The following AKT3 variants were observed in gnomAD, a reference collection of about 807,000 sequenced individuals.
The protein encoded by AKT3 is RAC-gamma serine/threonine-protein kinase.
In AKT3, 15 loss-of-function variants were observed where a neutral mutation model predicts 65.3. That is an observed-to-expected ratio of 0.23 (90% CI 0.15 to 0.35). The LOEUF (loss-of-function observed/expected upper bound fraction) is 0.35. Ranked by LOEUF, AKT3 falls within the 10% of genes least tolerant of loss-of-function variation. AKT3 has a pLI of 1.00. For synonymous variants in AKT3, 206 were observed against 183.8 expected, an observed-to-expected ratio of 1.12 and a Z score of -0.98; for missense variants, 243 against 576.5, an observed-to-expected ratio of 0.42 and a Z score of 5.92.
At chr1:243,834,038 G>A (rs897791889) in intron 2 of AKT3, among the ~76,000 whole-genome samples, 1 of 152,054 alleles carries the variant, frequency 6.6e-6, no homozygotes, top group Non-Finnish European at 1.5e-5. Context: ...AAATTGTACA[G>A]GATTCTAATT....
At chr1:243,699,465 C>CCATATATATATATATATATA (rs1389882625) in intron 2 of AKT3, among the ~76,000 whole-genome samples, 1 of 103,624 alleles carries the variant, frequency 9.7e-6, no homozygotes, top group Admixed American at 9.1e-5. Flanking sequence ...ACCTCTTCCA[C>CCATATATATATATATATATA]TATATATATA....
chr1:243,741,110 A>G lies in AKT3; in HGVS notation c.47-45394T>C, dbSNP rs116186934. On this transcript the variant is annotated intron_variant, in intron 2 of 13. Transcript: ENST00000673466. ...TCACATATATAACTGTATGTTCCAT[A>G]TATCGTCAATAAAGAACACTAACAG... Among the ~76,000 whole-genome samples, 1,337 of 152,316 alleles carry G rather than the reference A, an allele frequency of 8.8e-3. 15 individuals carry two copies. The highest frequency in any genetic ancestry group is 0.03 in the African/African-American group (1,267 of 41,564).
intron 8 of AKT3, among the ~76,000 whole-genome samples, chr1:243,604,728 A>G (rs1289068710): frequency 1.3e-5 from 2 of 152,162 alleles, no homozygotes; most frequent in Non-Finnish European, 2.9e-5. Flanking sequence ...ATGTCACTGC[A>G]GTGTATACAA....
At chr1:243,520,658 C>T (rs1454686033) in intron 12 of AKT3, among the ~76,000 whole-genome samples, 1 of 152,170 alleles carries the variant, frequency 6.6e-6, no homozygotes, top group African/African-American at 2.4e-5. Flanking sequence ...CTGACAAATG[C>T]ACTAAACTTG....
At chr1:243,667,305 G>A (rs1027989537) in intron 3 of AKT3, among the ~76,000 whole-genome samples, 1 of 152,108 alleles carries the variant, frequency 6.6e-6, no homozygotes, top group Non-Finnish European at 1.5e-5. Flanking sequence ...CAGAAACTGT[G>A]CTCTGGGAGA....
intron 2 of AKT3, among the ~76,000 whole-genome samples, chr1:243,836,085 G>A (rs1452711976): frequency 1.3e-5 from 2 of 151,850 alleles, no homozygotes; most frequent in Admixed American, 6.6e-5. Context: ...CATTTAAAAG[G>A]TAAAGATTGT....
At chr1:243,573,756 A>T (rs1370540061) in intron 8 of AKT3, among the ~76,000 whole-genome samples, 6 of 152,180 alleles carry the variant, frequency 3.9e-5, no homozygotes, top group Non-Finnish European at 8.8e-5. Context: ...TAAAACTATA[A>T]GCCCATCCAT....
intron 12 of AKT3, among the ~76,000 whole-genome samples, chr1:243,529,264 C>T (rs1671361867): frequency 6.6e-6 from 1 of 150,938 alleles, no homozygotes; most frequent in Non-Finnish European, 1.5e-5. Flanking sequence ...TCTGTTTACT[C>T]TGCTGATAGT....
intron 2 of AKT3, among the ~76,000 whole-genome samples, chr1:243,749,609 T>C (rs922003684): frequency 6.6e-6 from 1 of 152,214 alleles, no homozygotes; most frequent in African/African-American, 2.4e-5. Flanking sequence ...GATTTGATTA[T>C]GTCAAATGAT....
chr1:243,706,724 A>AG (rs1685823084), intron 2 of AKT3, among the ~76,000 whole-genome samples: 2 of 152,294 alleles, frequency 1.3e-5, no homozygotes, highest in South Asian at 4.1e-4. Context: ...GGTAAGAGCA[A>AG]GGAAGAAAAG....
At position 243,781,265 on chromosome 1, in the gene AKT3, A is replaced by G. The variant is rs183946490; in HGVS notation, c.46+61860T>C. Among the ~76,000 whole-genome samples the G allele has an allele frequency of 1.6e-3, 247 of 152,268 alleles. 3 individuals are homozygous for G. The highest frequency in any genetic ancestry group is 5.8e-3 in the African/African-American group (242 of 41,560). ...TTTTTTAATGGTTGGTTAGAATTCC[A>G]TAGTACGAATGAATGCATTTGTCCA... On this transcript the variant is annotated intron_variant, in intron 2 of 13. Transcript: ENST00000673466.
At position 243,552,860 on chromosome 1, in the gene AKT3, T is replaced by C. The variant is rs1019736328; in HGVS notation, c.1032A>G (p.Leu344=). The change falls in exon 11 of 14, where the codon TTA becomes TTG. Residue 344 remains leucine, a synonymous_variant. Transcript: ENST00000673466. ...TCTCATGGTCCTGGTTGTAGAAAGG[T>C]AACCTCCCACACATCATTTCATACA... ...VVMYEMMCGR[L]PFYNQDHEKL... is the part of the protein sequence containing the mutation. 1.2e-6 allele frequency: 2 copies of C among 1,613,976 alleles called. No homozygotes were observed. Among genetic ancestry groups the C allele is most frequent in the Non-Finnish European group, 1.7e-6 (2 of 1,179,994 alleles).
intron 2 of AKT3, among the ~76,000 whole-genome samples, chr1:243,784,006 A>G (rs77891117): frequency 0.068 from 10,283 of 152,250 alleles, 543 homozygotes; most frequent in Admixed American, 0.17. Context: ...TACAGCTCTC[A>G]TATTAATACA....
chr1:243,666,162 C>T (rs1029662380), intron 3 of AKT3, among the ~76,000 whole-genome samples: 1 of 152,080 alleles, frequency 6.6e-6, no homozygotes, highest in African/African-American at 2.4e-5. Context: ...CACCACCATG[C>T]CCAGCTTATT....
chr1:243,627,118 A>G (rs1179151838), intron 6 of AKT3, among the ~76,000 whole-genome samples: 1 of 152,226 alleles, frequency 6.6e-6, no homozygotes, highest in African/African-American at 2.4e-5. Context: ...CAGATAATCA[A>G]GACTTGAATA....
At chr1:243,600,590 G>A (rs962295457) in intron 8 of AKT3, among the ~76,000 whole-genome samples, 2 of 152,064 alleles carry the variant, frequency 1.3e-5, no homozygotes, top group Non-Finnish European at 1.5e-5. Context: ...TGCTGGAACA[G>A]TTAGATATCA....
At chr1:243,492,734 A>G (rs966663772) in intron 13 of AKT3, among the ~76,000 whole-genome samples, 3 of 149,794 alleles carry the variant, frequency 2.0e-5, no homozygotes, top group Non-Finnish European at 3.0e-5. Context: ...CAGCCTCCCA[A>G]GTAGCTGGGA....
chr1:243,630,769 T>C (rs1190476712), intron 6 of AKT3, among the ~76,000 whole-genome samples: 2 of 152,216 alleles, frequency 1.3e-5, no homozygotes, highest in Non-Finnish European at 1.5e-5. Context: ...GTTCTGTAAC[T>C]ATACTTAAGT....
chr1:243,577,368 A>G (rs1675016896), intron 8 of AKT3, among the ~76,000 whole-genome samples: 1 of 152,122 alleles, frequency 6.6e-6, no homozygotes, highest in African/African-American at 2.4e-5. Flanking sequence ...GCTGGTCTCA[A>G]ACTCCTGACC....
Sources: gnomAD v4.1 joint callset for allele counts (sites outside exome capture counted in the v4.1 genomes callset) on GRCh38, gnomAD v4.1.1 for gene constraint, MANE v1.5 for transcripts, NCBI Gene and HGNC (gene_info 2026-07-23, HGNC 2026-07-21) for gene names.